The following NME7 variants were observed in gnomAD, a reference collection of about 807,000 sequenced individuals.
NME7 encodes the protein nucleoside diphosphate kinase 7.
NME7 carries 41 observed loss-of-function variants against 49.1 expected under a neutral mutation model. That is an observed-to-expected ratio of 0.83 (90% CI 0.65 to 1.08). The LOEUF is 1.08. Among genes scored for constraint, NME7 ranks in the 50% least tolerant of loss-of-function variants. NME7 has a pLI of 0.00. For synonymous variants in NME7, 139 were observed against 150.6 expected, an observed-to-expected ratio of 0.92 and a Z score of 0.56; for missense variants, 423 against 463.4, an observed-to-expected ratio of 0.91 and a Z score of 0.80.
chr1:169,322,978 A>T, intron 3 of NME7, 139 bp downstream of exon 3: 2 of 626,712 alleles, frequency 3.2e-6, no homozygotes, highest in Non-Finnish European at 4.8e-6. Context: ...TTTTAAATTG[A>T]AAAAAAGAAA....
At chr1:169,283,976 GA>G in intron 7 of NME7, 1 of 152,188 alleles carries the variant, frequency 6.6e-6, no homozygotes. Flanking sequence ...TGTATTTCCT[GA>G]ATTTGAATGT....
intron 6 of NME7, among the ~76,000 whole-genome samples, chr1:169,292,729 T>G (rs1263194906): frequency 6.6e-6 from 1 of 152,108 alleles, no homozygotes; most frequent in African/African-American, 2.4e-5. Context: ...GGATTAATAT[T>G]TTTAGACAAC....
At position 169,132,764 on chromosome 1, in the gene NME7, A is replaced by ACTT. The variant is rs768606556; in HGVS notation, c.*18_*20dup. 2 of 1,609,870 alleles carry ACTT rather than the reference A, an allele frequency of 1.2e-6. No individual in the cohort carries two copies. Among genetic ancestry groups the ACTT allele is most frequent in the Non-Finnish European group, 1.7e-6 (2 of 1,177,062 alleles). On this transcript the variant is annotated 3_prime_UTR_variant, in exon 12 of 12. Transcript: ENST00000367811. ...TCTTGTCTAAATGTCCCAACCTGTG[A>ACTT]CTTCTTTACTTTCCACACCACTAAT...
At chr1:169,345,490 C>T (rs1457136839) in intron 1 of NME7, among the ~76,000 whole-genome samples, 1 of 152,012 alleles carries the variant, frequency 6.6e-6, no homozygotes, top group Non-Finnish European at 1.5e-5. Context: ...CTTTGCCTCC[C>T]TAAGTGCTGG....
Position 169,271,489 on chromosome 1 carries a change from T to A in NME7, c.754+15814A>T, listed in dbSNP as rs1649490456. Among the ~76,000 whole-genome samples the A allele has an allele frequency of 1.5e-5, 2 of 133,692 alleles. 1 individual carries two copies. Among genetic ancestry groups the A allele is most frequent in the Non-Finnish European group, 3.5e-5 (2 of 57,034 alleles). The allele number at this position is 133,692 out of a possible 152,430, so 87.7% of individuals were successfully genotyped here. A position where few individuals can be genotyped will look rare whatever the true frequency, so the allele number is the denominator to read the frequency against. On this transcript the variant is annotated intron_variant, in intron 7 of 11. Transcript: ENST00000367811. The stretch of plus-strand genomic sequence containing the variant: ...CAAACCTTCAACCATTATTATATCA[T>A]GAACGCTGTCGTCTCAATCAGACGA...
intron 10 of NME7, among the ~76,000 whole-genome samples, chr1:169,181,406 T>TAC (rs1659929227): frequency 6.8e-6 from 1 of 148,090 alleles, no homozygotes. Context: ...CACACATATA[T>TAC]ACACACACAT....
chr1:169,232,106 G>C (rs538451164), intron 9 of NME7, among the ~76,000 whole-genome samples: 4 of 152,084 alleles, frequency 2.6e-5, no homozygotes, highest in Non-Finnish European at 5.9e-5. Flanking sequence ...ATATAAACTT[G>C]GTGAGGAGAA....
At chr1:169,187,770 T>C (rs868203571) in intron 10 of NME7, among the ~76,000 whole-genome samples, 2 of 152,232 alleles carry the variant, frequency 1.3e-5, no homozygotes, top group African/African-American at 4.8e-5. Flanking sequence ...AATATTGTTA[T>C]GTGTGAATTT....
intron 6 of NME7, among the ~76,000 whole-genome samples, chr1:169,298,113 A>T (rs1650782231): frequency 6.6e-6 from 1 of 152,230 alleles, no homozygotes; most frequent in African/African-American, 2.4e-5. Flanking sequence ...AATAAGGAGT[A>T]GAGAAACTTT....
At chr1:169,204,937 G>A (rs1429484612) in intron 10 of NME7, among the ~76,000 whole-genome samples, 1 of 151,888 alleles carries the variant, frequency 6.6e-6, no homozygotes, top group Admixed American at 6.6e-5. Flanking sequence ...TTTCTTGAAG[G>A]TCATAAAACA....
At position 169,338,617 on chromosome 1, in the gene NME7, TG is replaced by T. The variant is rs1467871412; in HGVS notation, c.4-14118del. Among the ~76,000 whole-genome samples, 4 of 152,248 alleles carry T rather than the reference TG, an allele frequency of 2.6e-5. No individual in the cohort carries two copies. In the South Asian group the frequency reaches 8.3e-4, roughly 32 times the overall value. Reference sequence around the variant, plus strand: ...CTGACTTCTGCAGATCACTGCCCAGTGAAAAAACAATGCCACACACCATCTA... The same window carrying T: ...CTGACTTCTGCAGATCACTGCCCAGTAAAAAACAATGCCACACACCATCTA... On this transcript the variant is annotated intron_variant, in intron 1 of 11. Coordinates refer to ENST00000367811, the MANE Select transcript of NME7 (RefSeq NM_013330.5).
intron 4 of NME7, among the ~76,000 whole-genome samples, chr1:169,308,108 T>C (rs1460598627): frequency 6.6e-6 from 1 of 152,088 alleles, no homozygotes. Context: ...GTAGCACAGT[T>C]ACAAGCAATC....
At chr1:169,288,910 T>C (rs145825355) in intron 6 of NME7, among the ~76,000 whole-genome samples, 2,159 of 152,202 alleles carry the variant, frequency 0.014, 58 homozygotes, top group African/African-American at 0.049. Flanking sequence ...GAAGTAGAAG[T>C]GGTGTGACAA....
intron 9 of NME7, among the ~76,000 whole-genome samples, chr1:169,231,691 G>C (rs1016874086): frequency 2.0e-5 from 3 of 151,324 alleles, no homozygotes. Flanking sequence ...GTTTCTACCA[G>C]CCAGAGTGAA....
At chr1:169,351,110 G>C (rs1239218577) in intron 1 of NME7, among the ~76,000 whole-genome samples, 1 of 151,390 alleles carries the variant, frequency 6.6e-6, no homozygotes, top group Non-Finnish European at 1.5e-5. Flanking sequence ...CCTACAACTG[G>C]AATAAAATTC....
intron 1 of NME7, among the ~76,000 whole-genome samples, chr1:169,347,298 C>T (rs527836463): frequency 6.6e-6 from 1 of 152,270 alleles, no homozygotes; most frequent in South Asian, 2.1e-4. Context: ...AGTACCCCTT[C>T]AACTAGAATA....
At chr1:169,226,756 A>G (rs35272114) in intron 10 of NME7, among the ~76,000 whole-genome samples, 10,652 of 152,292 alleles carry the variant, frequency 0.07, 1,479 homozygotes, top group East Asian at 0.66. Flanking sequence ...TGCAAAATAT[A>G]GGAAAACAGA....
chr1:169,157,729 G>T (rs891444135), intron 11 of NME7, among the ~76,000 whole-genome samples: 3 of 152,182 alleles, frequency 2.0e-5, no homozygotes, highest in African/African-American at 7.2e-5. Flanking sequence ...AAAGTTAAGA[G>T]GCTGCTGCTG....
chr1:169,323,032 T>C (rs1651911946), intron 3 of NME7, 85 bp downstream of exon 3: 3 of 1,126,530 alleles, frequency 2.7e-6, no homozygotes, highest in Admixed American at 3.2e-5. Flanking sequence ...CATCCTCATA[T>C]GGTTACATAC....
Sources: gnomAD v4.1 joint callset for allele counts (sites outside exome capture counted in the v4.1 genomes callset) on GRCh38, gnomAD v4.1.1 for gene constraint, MANE v1.5 for transcripts, NCBI Gene and HGNC (gene_info 2026-07-23, HGNC 2026-07-21) for gene names.